CSRNP3: variants seen among roughly 807,000 people sequenced by gnomAD.
The protein encoded by CSRNP3 is cysteine/serine-rich nuclear protein 3.
CSRNP3 carries 12 observed loss-of-function variants against 48.0 expected under a neutral mutation model. The observed-to-expected ratio is 0.25, with a 90% CI of 0.16 to 0.41. CSRNP3 has a LOEUF of 0.41. CSRNP3 is among the 10% of genes least tolerant of loss of function. The pLI is 1.00. For missense variants in CSRNP3, 580 were observed against 724.4 expected (o/e 0.80, Z 2.29); for synonymous variants, 263 against 269.7 (o/e 0.98, Z 0.24).
At chr2:165,536,002 A>C (rs1338598945) in intron 3 of CSRNP3, among the ~76,000 whole-genome samples, 1 of 151,914 alleles carries the variant, frequency 6.6e-6, no homozygotes, top group Non-Finnish European at 1.5e-5. Context: ...AAGTAAAATC[A>C]GAGGTCATTC....
chr2:165,476,442 C>T (rs1574792002), intron 1 of CSRNP3, among the ~76,000 whole-genome samples: 1 of 152,138 alleles, frequency 6.6e-6, no homozygotes, highest in African/African-American at 2.4e-5. Flanking sequence ...AATGAAATAT[C>T]CTGATGAATT....
intron 3 of CSRNP3, among the ~76,000 whole-genome samples, chr2:165,531,807 G>T (rs866778504): frequency 2.6e-5 from 4 of 151,900 alleles, no homozygotes; most frequent in Admixed American, 1.3e-4. Flanking sequence ...TTGATACACC[G>T]CTAGCAAGAC....
At chr2:165,615,502 C>T (rs1416243517) in intron 4 of CSRNP3, among the ~76,000 whole-genome samples, 1 of 150,488 alleles carries the variant, frequency 6.6e-6, no homozygotes, top group African/African-American at 2.4e-5. Context: ...AAGATTGCGC[C>T]ACTGCACTCT....
intron 4 of CSRNP3, among the ~76,000 whole-genome samples, chr2:165,596,776 A>T (rs1685818296): frequency 6.6e-6 from 1 of 152,204 alleles, no homozygotes. Context: ...TATTGCAAAG[A>T]TCAGACAGAG....
At chr2:165,670,049 C>A (rs976809007) in intron 5 of CSRNP3, among the ~76,000 whole-genome samples, 5 of 152,170 alleles carry the variant, frequency 3.3e-5, no homozygotes, top group Admixed American at 6.5e-5. Context: ...CAATTATGGA[C>A]CAAGACAGGG....
chr2:165,476,547 G>A (rs924502241), intron 1 of CSRNP3, among the ~76,000 whole-genome samples: 1 of 152,236 alleles, frequency 6.6e-6, no homozygotes, highest in African/African-American at 2.4e-5. Context: ...TTAAAGGTGT[G>A]ATTCAGTCAT....
intron 3 of CSRNP3, among the ~76,000 whole-genome samples, chr2:165,528,602 G>A (rs1210995444): frequency 6.6e-6 from 1 of 152,168 alleles, no homozygotes; most frequent in Non-Finnish European, 1.5e-5. Flanking sequence ...CCCATTGTGT[G>A]CTCTTGGCAG....
At chr2:165,626,174 G>A (rs1402371562) in intron 4 of CSRNP3, among the ~76,000 whole-genome samples, 3 of 151,374 alleles carry the variant, frequency 2.0e-5, no homozygotes, top group African/African-American at 7.3e-5. Context: ...AGTGAGCCGA[G>A]ATCATGCCAC....
At chr2:165,528,982 G>T (rs984950653) in intron 3 of CSRNP3, among the ~76,000 whole-genome samples, 2 of 152,306 alleles carry the variant, frequency 1.3e-5, no homozygotes, top group Admixed American at 1.3e-4. Context: ...GAGCAGGGGG[G>T]AGCCCTGCCC....
intron 3 of CSRNP3, among the ~76,000 whole-genome samples, chr2:165,520,775 TATATATATTATATATATATATATA>T (rs1558923494): frequency 7.5e-5 from 1 of 13,340 alleles, no homozygotes; most frequent in African/African-American, 5.5e-4. Context: ...ATATATTATA[TATATATATTATATATATATATATA>T]TATATATATA....
intron 3 of CSRNP3, among the ~76,000 whole-genome samples, chr2:165,581,424 T>C (rs1374245922): frequency 6.6e-6 from 1 of 152,158 alleles, no homozygotes. Flanking sequence ...ATGAACAATT[T>C]AGAGGCATCA....
intron 3 of CSRNP3, among the ~76,000 whole-genome samples, chr2:165,521,173 C>CAAAAA (rs1348766008): frequency 2.9e-5 from 4 of 135,646 alleles, no homozygotes. Flanking sequence ...ATGGGAAAGC[C>CAAAAA]AAAAAAAAAA....
intron 1 of CSRNP3, among the ~76,000 whole-genome samples, chr2:165,487,234 A>T (rs1684133308): frequency 7.0e-6 from 1 of 143,464 alleles, no homozygotes; most frequent in Non-Finnish European, 1.5e-5. Flanking sequence ...GCAAGAAGGG[A>T]AGTTTAGAGA....
intron 3 of CSRNP3, among the ~76,000 whole-genome samples, chr2:165,573,263 G>A (rs561794948): frequency 1.3e-5 from 2 of 151,948 alleles, no homozygotes; most frequent in East Asian, 3.9e-4. Context: ...GATATTTAGA[G>A]AAAAACAAAT....
At chr2:165,646,081 G>T (rs150744793) in intron 4 of CSRNP3, among the ~76,000 whole-genome samples, 34 of 152,072 alleles carry the variant, frequency 2.2e-4, no homozygotes, top group African/African-American at 8.2e-4. Flanking sequence ...TCAGACATAT[G>T]GATCCAGTAA....
chr2:165,680,382 AG>A lies in CSRNP3; in HGVS notation c.*632del, dbSNP rs1167575154. On this transcript the variant is annotated 3_prime_UTR_variant, in exon 7 of 7. Transcript: ENST00000651982. ...GACTGATCAGATTTGCAAATTCTTA[AG>A]GGTGAAATAGGCCTATTTTTGCTAT... is the stretch of plus-strand genomic sequence containing the variant. The A allele has an allele frequency of 6.6e-6, 1 of 152,622 alleles. No individual in the cohort carries two copies. Among genetic ancestry groups the A allele is most frequent in the Non-Finnish European group, 1.5e-5 (1 of 68,102 alleles). The allele number at this position is 152,622 out of a possible 1,614,324, so 9.5% of individuals were successfully genotyped here. A position where few individuals can be genotyped will look rare whatever the true frequency, so the allele number is the denominator to read the frequency against.
chr2:165,602,123 C>T (rs754448643), intron 4 of CSRNP3, among the ~76,000 whole-genome samples: 1 of 152,024 alleles, frequency 6.6e-6, no homozygotes, highest in Admixed American at 6.6e-5. Context: ...CTTTTGTAAA[C>T]AATGGAGGAG....
At chr2:165,547,854 AC>A (rs1395484496) in intron 3 of CSRNP3, among the ~76,000 whole-genome samples, 1 of 152,052 alleles carries the variant, frequency 6.6e-6, no homozygotes, top group African/African-American at 2.4e-5. Flanking sequence ...AATTCTGAAA[AC>A]CACTTGCAAT....
At chr2:165,606,309 C>T (rs182277370) in intron 4 of CSRNP3, among the ~76,000 whole-genome samples, 90 of 129,740 alleles carry the variant, frequency 6.9e-4, no homozygotes, top group Middle Eastern at 4.5e-3. Flanking sequence ...CATTAACTGA[C>T]GAGGAATTAG....
Sources: gnomAD v4.1 joint callset for allele counts (sites outside exome capture counted in the v4.1 genomes callset) on GRCh38, gnomAD v4.1.1 for gene constraint, MANE v1.5 for transcripts, NCBI Gene and HGNC (gene_info 2026-07-23, HGNC 2026-07-21) for gene names.